The following BABAM2 variants were observed in gnomAD, a reference collection of about 807,000 sequenced individuals.
The protein encoded by BABAM2 is BRISC and BRCA1 A complex member 2, also known as BRISC and BRCA1-A complex member 2.
In BABAM2, 31 loss-of-function variants were observed where a neutral mutation model predicts 54.7. The observed-to-expected ratio is 0.57, with a 90% CI of 0.43 to 0.77. The LOEUF (loss-of-function observed/expected upper bound fraction) is 0.77, where lower values mean the gene tolerates loss of function less well. Among genes scored for constraint, BABAM2 ranks in the 30% least tolerant of loss-of-function variants. The pLI is 0.00. For synonymous variants in BABAM2, 167 were observed against 162.9 expected (o/e 1.03, Z -0.19); for missense variants, 364 against 455.8 (o/e 0.80, Z 1.83).
chr2:28,027,906 G>A (rs1368369827), intron 5 of BABAM2, among the ~76,000 whole-genome samples: 1 of 152,022 alleles, frequency 6.6e-6, no homozygotes, highest in Non-Finnish European at 1.5e-5. Flanking sequence ...CTTTTGGCAT[G>A]CCATATAATT....
Position 28,248,201 on chromosome 2 carries a change from CTTTTTCTTTTTT to C in BABAM2, c.934+3345_934+3356del, listed in dbSNP as rs1273864638. On this transcript the variant is annotated intron_variant, in intron 10 of 11. Coordinates refer to ENST00000379624, the MANE Select transcript of BABAM2 (RefSeq NM_199191.3). The stretch of plus-strand genomic sequence containing the variant: ...TAAGCTAGTAGCTTTTGTTTATTTT[CTTTTTCTTTTTT>C]TTTTTTTTTTTTTGAGACGGAGTTT... 2.8e-4 allele frequency among the ~76,000 whole-genome samples: 7 copies of C among 25,286 alleles called. No individual in the cohort carries two copies. The East Asian group carries it at 9.3e-3, about 34-fold the overall frequency. The allele number at this position is 25,286 out of a possible 152,430, so 16.6% of individuals were successfully genotyped here.
chr2:27,908,090 A>C (rs962927370), intron 2 of BABAM2, among the ~76,000 whole-genome samples: 2 of 152,120 alleles, frequency 1.3e-5, no homozygotes, highest in African/African-American at 4.8e-5. Flanking sequence ...AGGAACCGCT[A>C]TACTGTTTTC....
At chr2:28,031,515 G>A (rs755340930) in intron 5 of BABAM2, among the ~76,000 whole-genome samples, 1 of 152,120 alleles carries the variant, frequency 6.6e-6, no homozygotes, top group South Asian at 2.1e-4. Context: ...AGCCAGTATG[G>A]GACTAATAGA....
At chr2:28,026,947 TTA>T (rs1351133542) in intron 5 of BABAM2, among the ~76,000 whole-genome samples, 5 of 4,516 alleles carry the variant, frequency 1.1e-3, no homozygotes, top group East Asian at 0.083. Flanking sequence ...TAAATATATA[TTA>T]ATATATATAA....
chr2:28,160,362 C>T (rs761099984), intron 7 of BABAM2, among the ~76,000 whole-genome samples: 3 of 152,180 alleles, frequency 2.0e-5, no homozygotes, highest in Non-Finnish European at 2.9e-5. Flanking sequence ...TAATCCTCCT[C>T]GGGCTCCTCA....
intron 6 of BABAM2, among the ~76,000 whole-genome samples, chr2:28,097,838 T>G (rs2148703521): frequency 6.6e-6 from 1 of 152,354 alleles, no homozygotes; most frequent in East Asian, 1.9e-4. Context: ...TCTTACTGTT[T>G]ACTCTCCAGT....
intron 10 of BABAM2, among the ~76,000 whole-genome samples, chr2:28,269,443 A>AT (rs1194759343): frequency 6.6e-6 from 1 of 152,210 alleles, no homozygotes; most frequent in Non-Finnish European, 1.5e-5. Flanking sequence ...CCAACCATGG[A>AT]TAAAAATCAA....
At chr2:28,110,590 C>CTCCA (rs1667914002) in intron 6 of BABAM2, among the ~76,000 whole-genome samples, 1 of 151,668 alleles carries the variant, frequency 6.6e-6, no homozygotes. Flanking sequence ...CGCCATTGCA[C>CTCCA]TCCAGCCTGG....
intron 10 of BABAM2, among the ~76,000 whole-genome samples, chr2:28,274,008 C>T (rs551912076): frequency 9.8e-5 from 15 of 152,346 alleles, no homozygotes; most frequent in African/African-American, 1.4e-4. Flanking sequence ...TTGCCACTCC[C>T]GTGCCTTCAC....
At position 28,222,484 on chromosome 2, in the gene BABAM2, TATTG is replaced by T. The variant is rs1370129664; in HGVS notation, c.681-14715_681-14712del. On this transcript the variant is annotated intron_variant, in intron 7 of 11. Coordinates refer to ENST00000379624, the MANE Select transcript of BABAM2 (RefSeq NM_199191.3). ...CGGCCCATTGATGCCATGGATGCAG[TATTG>T]ATACCTTCACATGCTGCAGGGGCAG... is the stretch of plus-strand genomic sequence containing the variant. Among the ~76,000 whole-genome samples the T allele has an allele frequency of 3.3e-5, 5 of 152,248 alleles. No individual in the cohort carries two copies. The East Asian group carries it at 5.8e-4, about 18-fold the overall frequency.
chr2:28,080,562 T>C (rs941608127), intron 6 of BABAM2, among the ~76,000 whole-genome samples: 1 of 152,140 alleles, frequency 6.6e-6, no homozygotes, highest in African/African-American at 2.4e-5. Flanking sequence ...TGATGGCTTT[T>C]TTTGGTGATG....
intron 10 of BABAM2, among the ~76,000 whole-genome samples, chr2:28,296,778 C>T (rs987201341): frequency 1.3e-5 from 2 of 152,156 alleles, no homozygotes; most frequent in African/African-American, 4.8e-5. Context: ...GCATCCGCCT[C>T]CCGGATTCAA....
rs376149355 is a variant in BABAM2, at chr2:28,295,408, A to T, written c.935-2930A>T. Among the ~76,000 whole-genome samples the T allele has an allele frequency of 5.3e-5, 8 of 152,294 alleles. No homozygotes were observed. The East Asian group carries it at 1.5e-3, about 29-fold the overall frequency. The stretch of plus-strand genomic sequence containing the variant: ...GCTCTCATGGTACTTTTCTGCTGGT[A>T]ATGATTGCTTTGGAGGTTACTCTCA... On this transcript the variant is annotated intron_variant, in intron 10 of 11. Coordinates refer to ENST00000379624, the MANE Select transcript of BABAM2 (RefSeq NM_199191.3).
intron 2 of BABAM2, among the ~76,000 whole-genome samples, chr2:27,905,236 A>C (rs149171776): frequency 6.6e-6 from 1 of 152,172 alleles, no homozygotes; most frequent in African/African-American, 2.4e-5. Context: ...GGGGAGGGTC[A>C]GGTGTGGGCA....
chr2:27,958,145 C>T (rs1214771084), intron 3 of BABAM2, among the ~76,000 whole-genome samples: 1 of 152,116 alleles, frequency 6.6e-6, no homozygotes, highest in Non-Finnish European at 1.5e-5. Context: ...TACATTCTGC[C>T]TATATTTCTA....
intron 6 of BABAM2, among the ~76,000 whole-genome samples, chr2:28,053,172 G>A (rs1258990148): frequency 1.3e-5 from 2 of 152,132 alleles, no homozygotes; most frequent in Non-Finnish European, 2.9e-5. Flanking sequence ...TAAATTCAAA[G>A]GCTGACCTTA....
chr2:28,223,711 C>T (rs1305780703), intron 7 of BABAM2, among the ~76,000 whole-genome samples: 1 of 152,168 alleles, frequency 6.6e-6, no homozygotes, highest in Non-Finnish European at 1.5e-5. Context: ...GCAACTTTAC[C>T]TATTAACTGA....
At chr2:28,165,825 T>G (rs1386089802) in intron 7 of BABAM2, among the ~76,000 whole-genome samples, 1 of 152,190 alleles carries the variant, frequency 6.6e-6, no homozygotes, top group East Asian at 1.9e-4. Context: ...CATGAGCCGC[T>G]GTGCCCGGCT....
At chr2:28,227,474 T>C (rs886824004) in intron 7 of BABAM2, among the ~76,000 whole-genome samples, 2 of 152,228 alleles carry the variant, frequency 1.3e-5, no homozygotes, top group African/African-American at 4.8e-5. Flanking sequence ...CAGTTTTGAT[T>C]TGACTGCTTC....
Sources: gnomAD v4.1 joint callset for allele counts (sites outside exome capture counted in the v4.1 genomes callset) on GRCh38, gnomAD v4.1.1 for gene constraint, MANE v1.5 for transcripts, NCBI Gene and HGNC (gene_info 2026-07-23, HGNC 2026-07-21) for gene names.